SENP5: variants seen among roughly 807,000 people sequenced by gnomAD.
SENP5 encodes the protein SUMO specific peptidase 5.
A neutral mutation model predicts 74.2 loss-of-function variants in SENP5; 21 were observed. That is an observed-to-expected ratio of 0.28 (90% CI 0.20 to 0.41). The LOEUF is 0.41. Among genes scored for constraint, SENP5 ranks in the 10% least tolerant of loss-of-function variants. The pLI is 1.00. For missense variants in SENP5, 717 were observed against 889.1 expected, an observed-to-expected ratio of 0.81 and a Z score of 2.46; for synonymous variants, 311 against 312.7, an observed-to-expected ratio of 0.99 and a Z score of 0.06.
rs538975386 is a variant in SENP5, at chr3:196,933,010, T to TG, written c.*2090dup. The TG allele has an allele frequency of 7.5e-6, 1 of 132,548 alleles. No homozygotes were observed. Among genetic ancestry groups the TG allele is most frequent in the African/African-American group, 2.9e-5 (1 of 34,490 alleles). The allele number at this position is 132,548 out of a possible 1,614,324, so 8.2% of individuals were successfully genotyped here. Reference sequence around the variant, plus strand: ...TGTGGCTTAGACTAAATGTTGAGTTTGGGTTTTTTGTTTTTTTTTTTTTTT... The same window carrying TG: ...TGTGGCTTAGACTAAATGTTGAGTTTGGGGTTTTTTGTTTTTTTTTTTTTTT... On this transcript the variant is annotated 3_prime_UTR_variant, in exon 10 of 10. Transcript: ENST00000323460.
At position 196,932,005 on chromosome 3, in the gene SENP5, G is replaced by T; in HGVS notation, c.*1082G>T. The T allele has an allele frequency of 4.6e-6, 2 of 433,454 alleles. No homozygotes were observed. Among genetic ancestry groups the T allele is most frequent in the Non-Finnish European group, 9.2e-6 (2 of 217,928 alleles). The allele number at this position is 433,454 out of a possible 1,614,324, so 26.9% of individuals were successfully genotyped here. A position where few individuals can be genotyped will look rare whatever the true frequency, so the allele number is the denominator to read the frequency against. The stretch of plus-strand genomic sequence containing the variant: ...AGGTTCTTTCTCCTGTCCCATTAGT[G>T]ACCTCAGTAACATGCAGGGTACGTC... On this transcript the variant is annotated 3_prime_UTR_variant, in exon 10 of 10. Coordinates refer to ENST00000323460, the MANE Select transcript of SENP5 (RefSeq NM_152699.5).
At chr3:196,915,140 A>T (rs1715319187) in intron 6 of SENP5, among the ~76,000 whole-genome samples, 1 of 152,204 alleles carries the variant, frequency 6.6e-6, no homozygotes, top group South Asian at 2.1e-4. Flanking sequence ...TGGGTCCTGA[A>T]TAAATTTGAA....
intron 7 of SENP5, among the ~76,000 whole-genome samples, chr3:196,923,976 C>T (rs183100808): frequency 2.6e-5 from 4 of 152,154 alleles, no homozygotes; most frequent in South Asian, 2.1e-4. Flanking sequence ...AGTAGGTTTC[C>T]GGATTTTCCT....
Position 196,886,761 on chromosome 3 carries a change from A to G in SENP5, c.1513+67A>G, listed in dbSNP as rs562441675. The G allele has an allele frequency of 1.3e-3, 1,662 of 1,311,032 alleles. 3 individuals are homozygous for G. The highest frequency in any genetic ancestry group is 2.0e-3 in the South Asian group (125 of 63,844). The allele number at this position is 1,311,032 out of a possible 1,614,324, so 81.2% of individuals were successfully genotyped here. On this transcript the variant is annotated intron_variant, in intron 2 of 9. Coordinates refer to ENST00000323460, the MANE Select transcript of SENP5 (RefSeq NM_152699.5). ...CATTTGCTGTGCATTATCCTTGCTA[A>G]TAAGAGTCCTATTTTTTTCTCCCAC...
chr3:196,883,182 G>A (rs1713804037), intron 1 of SENP5, among the ~76,000 whole-genome samples: 1 of 152,086 alleles, frequency 6.6e-6, no homozygotes, highest in Non-Finnish European at 1.5e-5. Flanking sequence ...CTTGGGTGGG[G>A]GAGGGTCACT....
rs1716055132 is a variant in SENP5 at position 196,932,003 on chromosome 3, G to A, written c.*1080G>A. On this transcript the variant is annotated 3_prime_UTR_variant, in exon 10 of 10. Coordinates refer to ENST00000323460, the MANE Select transcript of SENP5 (RefSeq NM_152699.5). ...TCAGGTTCTTTCTCCTGTCCCATTA[G>A]TGACCTCAGTAACATGCAGGGTACG... 2.3e-6 allele frequency: 1 copy of A among 434,392 alleles called. No homozygotes were observed. Among genetic ancestry groups the A allele is most frequent in the South Asian group, 1.6e-5 (1 of 60,688 alleles). The allele number at this position is 434,392 out of a possible 1,614,324, so 26.9% of individuals were successfully genotyped here.
At chr3:196,873,590 C>T (rs1038687985) in intron 1 of SENP5, among the ~76,000 whole-genome samples, 4 of 151,872 alleles carry the variant, frequency 2.6e-5, no homozygotes, top group Non-Finnish European at 5.9e-5. Context: ...CCTGTAATCC[C>T]AGCACTTTGG....
intron 7 of SENP5, among the ~76,000 whole-genome samples, chr3:196,927,410 G>GATGCAT (rs1173047138): frequency 6.6e-6 from 1 of 152,090 alleles, no homozygotes; most frequent in African/African-American, 2.4e-5. Flanking sequence ...CCACAGTCTT[G>GATGCAT]ATGCATACCT....
At chr3:196,891,916 G>C (rs1714219615) in intron 2 of SENP5, among the ~76,000 whole-genome samples, 1 of 151,584 alleles carries the variant, frequency 6.6e-6, no homozygotes, top group South Asian at 2.1e-4. Context: ...TCAGCCTCCG[G>C]AGTAGCTGGG....
At chr3:196,911,247 A>G (rs762994483) in intron 6 of SENP5, among the ~76,000 whole-genome samples, 23 of 152,204 alleles carry the variant, frequency 1.5e-4, no homozygotes, top group Non-Finnish European at 7.3e-5. Context: ...TGCTCAGCAA[A>G]AGAAACTATC....
chr3:196,882,784 G>A lies in SENP5; in HGVS notation c.-31-2367G>A, dbSNP rs922813837. On this transcript the variant is annotated intron_variant, in intron 1 of 9. Coordinates refer to ENST00000323460, the MANE Select transcript of SENP5 (RefSeq NM_152699.5). ...CTCCCGAAGTATTGGGATTACAGGC[G>A]TGAGCCACCATGCCCAGCCCGTCTA... 3.3e-5 allele frequency among the ~76,000 whole-genome samples: 5 copies of A among 152,234 alleles called. No individual in the cohort carries two copies. The East Asian group carries it at 5.8e-4, about 18-fold the overall frequency.
At chr3:196,891,114 T>C (rs1454099476) in intron 2 of SENP5, among the ~76,000 whole-genome samples, 1 of 152,226 alleles carries the variant, frequency 6.6e-6, no homozygotes, top group African/African-American at 2.4e-5. Context: ...AATATTATTC[T>C]ATAAAAGGAA....
intron 2 of SENP5, among the ~76,000 whole-genome samples, chr3:196,888,131 C>T (rs1560144677): frequency 6.6e-6 from 1 of 152,144 alleles, no homozygotes; most frequent in Admixed American, 6.6e-5. Context: ...CTTTAAGAAG[C>T]CTTCTCTTGT....
chr3:196,931,605 A>G lies in SENP5; in HGVS notation c.*682A>G, dbSNP rs1424133482. 4.0e-6 allele frequency: 1 copy of G among 247,712 alleles called. No homozygotes were observed. The highest frequency in any genetic ancestry group is 7.9e-6 in the Non-Finnish European group (1 of 126,134). 15.3% of individuals were successfully genotyped at this position (247,712 alleles called of 1,614,324 possible). ...AAAGCAACCTTGGAGGCCAGTAACA[A>G]TGACAGATTTCAATCGTGGTTTTAG... is the stretch of plus-strand genomic sequence containing the variant. On this transcript the variant is annotated 3_prime_UTR_variant, in exon 10 of 10. Transcript: ENST00000323460.
chr3:196,868,602 G>A (rs1713047923), intron 1 of SENP5, among the ~76,000 whole-genome samples: 1 of 152,202 alleles, frequency 6.6e-6, no homozygotes, highest in Non-Finnish European at 1.5e-5. Context: ...ACTCTGTCGG[G>A]GTGGAGGGAT....
At chr3:196,903,786 TACTGG>T (rs1457858786) in intron 6 of SENP5, among the ~76,000 whole-genome samples, 176 bp downstream of exon 6, 1 of 152,258 alleles carries the variant, frequency 6.6e-6, no homozygotes, top group Non-Finnish European at 1.5e-5. Context: ...CTTAATTGCC[TACTGG>T]TCCCAATTAT....
intron 6 of SENP5, 43 bp from the exon 7 acceptor site, chr3:196,923,371 A>T (rs115609995): frequency 9.5e-6 from 15 of 1,570,988 alleles, no homozygotes; most frequent in Non-Finnish European, 1.1e-5. Flanking sequence ...TGGTTTGGAT[A>T]GCCTGTGGTG....
chr3:196,921,421 A>G (rs1715616587), intron 6 of SENP5, among the ~76,000 whole-genome samples: 1 of 152,134 alleles, frequency 6.6e-6, no homozygotes, highest in Non-Finnish European at 1.5e-5. Flanking sequence ...AGCTCTATGT[A>G]TGTCTATGTT....
Position 196,886,504 on chromosome 3 carries a change from G to C in SENP5, c.1323G>C (p.Gln441His), listed in dbSNP as rs1713982959. Residue 441 changes from glutamine (Q) to histidine (H), a missense_variant, in exon 2 of 10, where the codon CAG becomes CAC. Gln to His is a conservative substitution (Grantham distance 24). Around this residue, in one of 4 missense-constraint regions of SENP5, gnomAD observed 567 missense variants for 577.4 expected, o/e 0.98. Transcript: ENST00000323460. ...CTGTTCAAAATGAGAACTCATACCA[G>C]ATGGAGGAGGATGGATCTCTCAAGC... is the stretch of plus-strand genomic sequence containing the variant. ...QKAVQNENSY[Q>H]MEEDGSLKQS... 6.2e-7 allele frequency: 1 copy of C among 1,612,862 alleles called. No individual in the cohort carries two copies. Among genetic ancestry groups the C allele is most frequent in the Non-Finnish European group, 8.5e-7 (1 of 1,179,506 alleles).
Sources: gnomAD v4.1 joint callset for allele counts (sites outside exome capture counted in the v4.1 genomes callset) on GRCh38, gnomAD v4.1.1 for gene constraint, gnomAD v4.1.1 regional missense constraint, MANE v1.5 for transcripts, NCBI Gene and HGNC (gene_info 2026-07-23, HGNC 2026-07-21) for gene names.